The following KLHL32 variants were observed in gnomAD, a reference collection of about 807,000 sequenced individuals.
KLHL32 encodes the protein kelch like family member 32, also known as kelch-like protein 32.
Under a neutral mutation model 64.8 loss-of-function variants are expected in KLHL32, and 35 were observed. That is an observed-to-expected ratio of 0.54 (90% confidence interval 0.41 to 0.72). The LOEUF (loss-of-function observed/expected upper bound fraction) is 0.72, where lower values mean the gene tolerates loss of function less well. KLHL32 is among the 30% of genes least tolerant of loss of function. The pLI is 0.00. For synonymous variants in KLHL32, 259 were observed against 281.0 expected (o/e 0.92, Z 0.78); for missense variants, 589 against 768.5 (o/e 0.77, Z 2.76).
intron 1 of KLHL32, among the ~76,000 whole-genome samples, chr6:96,958,867 G>T (rs569827082): frequency 6.6e-6 from 1 of 152,266 alleles, no homozygotes; most frequent in South Asian, 2.1e-4. Context: ...AAGGCATGCA[G>T]GTGCACACAC....
intron 7 of KLHL32, among the ~76,000 whole-genome samples, chr6:97,125,880 G>A (rs1409634523): frequency 6.6e-6 from 1 of 152,168 alleles, no homozygotes; most frequent in Non-Finnish European, 1.5e-5. Context: ...TGGACTTTAA[G>A]GAAGATATTA....
chr6:97,094,571 C>T (rs563506399), intron 6 of KLHL32, among the ~76,000 whole-genome samples: 2 of 152,288 alleles, frequency 1.3e-5, no homozygotes, highest in South Asian at 2.1e-4. Context: ...CCACCCTTTC[C>T]TCTGACCACC....
At chr6:96,909,336 ATG>A in the KLHL32 span, among the ~76,000 whole-genome samples, 2 of 152,320 alleles carry the variant, frequency 1.3e-5, no homozygotes, top group Admixed American at 1.3e-4. Flanking sequence ...GGAATTTTGC[ATG>A]TGTGTCACGA....
chr6:97,123,886 C>T (rs1798622274), intron 7 of KLHL32, among the ~76,000 whole-genome samples: 1 of 152,156 alleles, frequency 6.6e-6, no homozygotes, highest in Non-Finnish European at 1.5e-5. Context: ...AAGGGTACTC[C>T]AGTCTAGGAG....
chr6:97,091,671 C>T (rs984880323), intron 6 of KLHL32, among the ~76,000 whole-genome samples: 1 of 152,230 alleles, frequency 6.6e-6, no homozygotes, highest in Admixed American at 6.5e-5. Flanking sequence ...ATGCTTTTGA[C>T]TGGATGTTTC....
At chr6:97,048,087 C>T (rs1036062181) in intron 4 of KLHL32, among the ~76,000 whole-genome samples, 2 of 152,148 alleles carry the variant, frequency 1.3e-5, no homozygotes, top group African/African-American at 4.8e-5. Context: ...TCTTAATTTC[C>T]GGAGAGCTCT....
At chr6:96,991,435 C>T (rs1011415437) in intron 3 of KLHL32, among the ~76,000 whole-genome samples, 1 of 152,060 alleles carries the variant, frequency 6.6e-6, no homozygotes, top group Non-Finnish European at 1.5e-5. Flanking sequence ...GTTCCTTCCC[C>T]AATGCAGTAA....
intron 4 of KLHL32, among the ~76,000 whole-genome samples, chr6:97,051,853 A>G (rs1786964451): frequency 6.6e-6 from 1 of 152,060 alleles, no homozygotes; most frequent in Non-Finnish European, 1.5e-5. Context: ...CTTATTGAGA[A>G]AAAAAGAACA....
At chr6:97,118,512 G>T (rs1297467777) in intron 7 of KLHL32, among the ~76,000 whole-genome samples, 1 of 151,104 alleles carries the variant, frequency 6.6e-6, no homozygotes, top group Non-Finnish European at 1.5e-5. Flanking sequence ...GCAGCTACTT[G>T]GGAGGCTGAG....
chr6:96,982,444 T>C (rs1398325626), intron 3 of KLHL32, among the ~76,000 whole-genome samples: 2 of 152,176 alleles, frequency 1.3e-5, no homozygotes, highest in Non-Finnish European at 2.9e-5. Flanking sequence ...TTGGGGGTCA[T>C]TGCATGTGAG....
intron 4 of KLHL32, among the ~76,000 whole-genome samples, chr6:97,064,153 T>G (rs1209360829): frequency 6.6e-6 from 1 of 152,222 alleles, no homozygotes; most frequent in Non-Finnish European, 1.5e-5. Flanking sequence ...TAAAATGGAC[T>G]AATATCCACC....
At chr6:96,970,548 G>A (rs1297049784) in intron 2 of KLHL32, among the ~76,000 whole-genome samples, 8 of 152,106 alleles carry the variant, frequency 5.3e-5, no homozygotes, top group Non-Finnish European at 7.4e-5. Flanking sequence ...ATGTGTAACT[G>A]CCCTACTACA....
In KLHL32 at chr6:97,140,446, A is replaced by C. The variant is rs1444395122; in HGVS notation, c.*1164A>C. 1.3e-5 allele frequency: 2 copies of C among 152,030 alleles called. No individual in the cohort carries two copies. Among genetic ancestry groups the C allele is most frequent in the African/African-American group, 2.4e-5 (1 of 41,436 alleles). 9.4% of individuals were successfully genotyped at this position (152,030 alleles called of 1,614,324 possible). Reference sequence around the variant, plus strand: ...CACCACCAATACATATTTTATTACTATCTCTTTTAATAATGCATAGGAATT... The same window carrying C: ...CACCACCAATACATATTTTATTACTCTCTCTTTTAATAATGCATAGGAATT... On this transcript the variant is annotated 3_prime_UTR_variant, in exon 11 of 11. Coordinates refer to ENST00000369261, the MANE Select transcript of KLHL32 (RefSeq NM_052904.4).
intron 3 of KLHL32, among the ~76,000 whole-genome samples, chr6:97,011,283 A>G (rs1180201591): frequency 1.3e-5 from 2 of 152,214 alleles, no homozygotes; most frequent in Non-Finnish European, 2.9e-5. Flanking sequence ...GTTGCTGAAA[A>G]TAATAGGAAC....
At chr6:97,098,423 A>G (rs770996865) in intron 6 of KLHL32, among the ~76,000 whole-genome samples, 2 of 151,898 alleles carry the variant, frequency 1.3e-5, no homozygotes, top group Non-Finnish European at 2.9e-5. Flanking sequence ...AGCCTGGGAC[A>G]TTTTTTCTCA....
At chr6:96,933,180 G>A (rs185350466) in intron 1 of KLHL32, among the ~76,000 whole-genome samples, 63 of 152,194 alleles carry the variant, frequency 4.1e-4, no homozygotes, top group Non-Finnish European at 7.4e-4. Flanking sequence ...TGAAAACAAC[G>A]ACATATTTTA....
chr6:97,000,125 C>T (rs993827557), intron 3 of KLHL32, among the ~76,000 whole-genome samples: 1 of 151,982 alleles, frequency 6.6e-6, no homozygotes, highest in Non-Finnish European at 1.5e-5. Flanking sequence ...TTAATCAAAG[C>T]CAGAAAAGGA....
chr6:97,122,694 A>G (rs2128217399), intron 7 of KLHL32, among the ~76,000 whole-genome samples: 1 of 152,360 alleles, frequency 6.6e-6, no homozygotes, highest in East Asian at 1.9e-4. Flanking sequence ...GGATTGTAGC[A>G]AACTTCCCTC....
intron 1 of KLHL32, among the ~76,000 whole-genome samples, chr6:96,925,458 T>C (rs976327414): frequency 6.6e-6 from 1 of 152,236 alleles, no homozygotes; most frequent in African/African-American, 2.4e-5. Flanking sequence ...AATTGCACTA[T>C]ATGGTATGCT....
Sources: allele counts gnomAD v4.1 joint callset (sites outside exome capture counted in the v4.1 genomes callset), GRCh38; gene constraint gnomAD v4.1.1; transcripts MANE v1.5; gene names NCBI Gene and HGNC (gene_info 2026-07-23, HGNC 2026-07-21).